RNF24: variants seen among roughly 807,000 people sequenced by gnomAD.
The protein encoded by RNF24 is ring finger protein 24.
A neutral mutation model predicts 20.0 loss-of-function variants in RNF24; 14 were observed. That is an observed-to-expected ratio of 0.70 (90% CI 0.46 to 1.10). RNF24 has a LOEUF of 1.10. Ranked by LOEUF, RNF24 falls within the 50% of genes least tolerant of loss-of-function variation. The pLI, the probability that RNF24 is intolerant of heterozygous loss-of-function variation, is 0.00. For missense variants in RNF24, 124 were observed against 177.6 expected, an observed-to-expected ratio of 0.70 and a Z score of 1.71; for synonymous variants, 45 against 61.1, an observed-to-expected ratio of 0.74 and a Z score of 1.23.
chr20:3,942,635 G>A (rs753188051), intron 4 of RNF24, among the ~76,000 whole-genome samples: 2 of 151,938 alleles, frequency 1.3e-5, no homozygotes, highest in Non-Finnish European at 2.9e-5. Flanking sequence ...ACCACGCCCG[G>A]CTAATTTTTT....
At chr20:3,980,589 G>A (rs1391894871) in intron 1 of RNF24, among the ~76,000 whole-genome samples, 4 of 152,062 alleles carry the variant, frequency 2.6e-5, no homozygotes, top group South Asian at 2.1e-4. Context: ...TGCAGAAAGC[G>A]AAACTGAAAA....
At chr20:3,948,363 T>C in intron 2 of RNF24, 84 bp from the exon 3 acceptor site, 1 of 950,454 alleles carries the variant, frequency 1.1e-6, no homozygotes, top group Non-Finnish European at 1.6e-6. Context: ...GATTTTGGTA[T>C]TAATTTATAA....
intron 2 of RNF24, among the ~76,000 whole-genome samples, chr20:3,949,978 A>AGGGGTCCAGAT (rs112601333): frequency 6.6e-6 from 1 of 151,892 alleles, no homozygotes; most frequent in East Asian, 1.9e-4. Flanking sequence ...GCTGTGAGGT[A>AGGGGTCCAGAT]GCTTTTTATC....
chr20:3,938,932 T>C (rs1014911282), intron 4 of RNF24, among the ~76,000 whole-genome samples: 1 of 151,978 alleles, frequency 6.6e-6, no homozygotes, highest in Admixed American at 6.6e-5. Context: ...TTTTTGTAAG[T>C]AGAGATAAGG....
chr20:3,945,261 T>C (rs2091003161), intron 3 of RNF24, 43 bp from the exon 4 acceptor site: 1 of 1,512,624 alleles, frequency 6.6e-7, no homozygotes, highest in Non-Finnish European at 9.0e-7. Context: ...TTTAAATCTG[T>C]AACTTTAAAT....
At chr20:3,972,763 C>T (rs1568640281) in intron 1 of RNF24, among the ~76,000 whole-genome samples, 3 of 151,754 alleles carry the variant, frequency 2.0e-5, no homozygotes, top group Admixed American at 6.6e-5. Flanking sequence ...ATTAGTCGGG[C>T]GTGGTGGCAC....
chr20:3,941,948 T>C (rs2090960870), intron 4 of RNF24, among the ~76,000 whole-genome samples: 1 of 151,644 alleles, frequency 6.6e-6, no homozygotes, highest in East Asian at 2.0e-4. Flanking sequence ...GTGGTGGACA[T>C]CTGTAATCCC....
intron 1 of RNF24, among the ~76,000 whole-genome samples, chr20:3,985,198 T>C (rs886836409): frequency 1.4e-4 from 21 of 152,238 alleles, no homozygotes; most frequent in African/African-American, 4.8e-4. Context: ...AAGGATGTTG[T>C]AATTTTAAAA....
rs868388635 is a variant in RNF24, at chr20:3,931,440, G to C, written c.*2623C>G. The C allele has an allele frequency of 6.6e-6, 1 of 152,168 alleles. No homozygotes were observed. The highest frequency in any genetic ancestry group is 1.5e-5 in the Non-Finnish European group (1 of 68,032). 9.4% of individuals were successfully genotyped at this position (152,168 alleles called of 1,614,324 possible). On this transcript the variant is annotated 3_prime_UTR_variant, in exon 6 of 6. Transcript: ENST00000358395. ...ACTGTCTTTCAAACAAAAACCCTGC[G>C]ATTTTAATGAGAATTAAAGGAGGAT...
chr20:3,966,440 C>T (rs2091258532), intron 1 of RNF24, among the ~76,000 whole-genome samples: 1 of 140,312 alleles, frequency 7.1e-6, no homozygotes. Context: ...TGTCTGAAAA[C>T]TCAAAGAGGA....
At chr20:3,961,457 T>C (rs1220156390) in intron 2 of RNF24, among the ~76,000 whole-genome samples, 4 of 151,910 alleles carry the variant, frequency 2.6e-5, no homozygotes, top group African/African-American at 9.7e-5. Flanking sequence ...TTTTTCATTA[T>C]CACTTTACTT....
Position 3,956,800 on chromosome 20 carries a change from T to C in RNF24, c.143+7075A>G, listed in dbSNP as rs916498313. ...TCTATATCCTTATAGGGTTTTTGCT[T>C]GTTTTACATTTTATTTCTTTACATG... is the stretch of plus-strand genomic sequence containing the variant. On this transcript the variant is annotated intron_variant, in intron 2 of 5. Coordinates refer to ENST00000358395, the MANE Select transcript of RNF24 (RefSeq NM_001134337.3). Among the ~76,000 whole-genome samples the C allele has an allele frequency of 3.9e-5, 6 of 152,214 alleles. No homozygotes were observed. In the East Asian group the frequency reaches 7.7e-4, roughly 20 times the overall value.
At chr20:3,984,086 C>T (rs1979672589) in intron 1 of RNF24, among the ~76,000 whole-genome samples, 1 of 151,618 alleles carries the variant, frequency 6.6e-6, no homozygotes, top group Non-Finnish European at 1.5e-5. Context: ...TAGCAATACC[C>T]AGGCAAGGTG....
intron 4 of RNF24, among the ~76,000 whole-genome samples, chr20:3,939,328 G>A (rs1420654731): frequency 1.3e-5 from 2 of 152,086 alleles, no homozygotes; most frequent in Non-Finnish European, 2.9e-5. Context: ...TATAATATTA[G>A]CTGATACATT....
rs560964405 is a variant in RNF24 at position 3,948,027 on chromosome 20, C to G, written c.186+210G>C. Among the ~76,000 whole-genome samples the G allele has an allele frequency of 9.4e-4, 137 of 146,128 alleles. 1 individual carries two copies. Among genetic ancestry groups the G allele is most frequent in the African/African-American group, 3.4e-3 (132 of 39,400 alleles). Reference sequence around the variant, plus strand: ...CGCCATTGCACTCCAGCCTGGGCAACAAGAGCGAAACTCCGTCTCAAAAAA... The same window carrying G: ...CGCCATTGCACTCCAGCCTGGGCAAGAAGAGCGAAACTCCGTCTCAAAAAA... On this transcript the variant is annotated intron_variant, in intron 3 of 5. Coordinates refer to ENST00000358395, the MANE Select transcript of RNF24 (RefSeq NM_001134337.3).
intron 1 of RNF24, among the ~76,000 whole-genome samples, chr20:3,991,247 CTTTTTT>C (rs10599625): frequency 1.2e-5 from 1 of 82,774 alleles, no homozygotes; most frequent in African/African-American, 4.8e-5. Flanking sequence ...TTTTAAACAA[CTTTTTT>C]TTTTTTTTTT....
rs376606307 is a variant in RNF24, at chr20:3,998,750, C to T, written c.-8+16687G>A. ...TAGCCTGGGTGACAGAGCGAGATTC[C>T]GTCTCAAAAAATAAAATTAAATTAA... On this transcript the variant is annotated intron_variant, in intron 1 of 5. Transcript: ENST00000358395. Among the ~76,000 whole-genome samples the T allele has an allele frequency of 8.6e-5, 11 of 127,194 alleles. No homozygotes were observed. In the East Asian group the frequency reaches 1.4e-3, roughly 16 times the overall value. 83.4% of individuals were successfully genotyped at this position (127,194 alleles called of 152,430 possible). A position where few individuals can be genotyped will look rare whatever the true frequency, so the allele number is the denominator to read the frequency against.
chr20:4,014,155 T>C (rs1324992551), intron 1 of RNF24, among the ~76,000 whole-genome samples: 2 of 152,192 alleles, frequency 1.3e-5, no homozygotes, highest in Non-Finnish European at 2.9e-5. Context: ...AGAGGAGCCA[T>C]TGAGCTGGGC....
At chr20:3,945,598 C>A (rs1275870190) in intron 3 of RNF24, among the ~76,000 whole-genome samples, 2 of 151,904 alleles carry the variant, frequency 1.3e-5, no homozygotes, top group Non-Finnish European at 2.9e-5. Context: ...GCCTATAATC[C>A]CAGCTACTCG....
Sources: gnomAD v4.1 joint callset for allele counts (sites outside exome capture counted in the v4.1 genomes callset) on GRCh38, gnomAD v4.1.1 for gene constraint, MANE v1.5 for transcripts, NCBI Gene and HGNC (gene_info 2026-07-23, HGNC 2026-07-21) for gene names.